The following NF1 variants were observed in gnomAD, a reference collection of about 807,000 sequenced individuals.
The protein encoded by NF1 is neurofibromin.
A neutral mutation model predicts 325.7 loss-of-function variants in NF1; 122 were observed. The observed-to-expected ratio is 0.37, with a 90% confidence interval of 0.32 to 0.44. The LOEUF is 0.44. Among genes scored for constraint, NF1 ranks in the 20% least tolerant of loss-of-function variants. The pLI is 1.00. For missense variants in NF1, 2,140 were observed against 3,415.4 expected (o/e 0.63, Z 9.31); for synonymous variants, 1,091 against 1,186.0 (o/e 0.92, Z 1.65).
intron 5 of NF1, among the ~76,000 whole-genome samples, chr17:31,178,559 C>A (rs1026168085): frequency 6.6e-6 from 1 of 152,186 alleles, no homozygotes; most frequent in Non-Finnish European, 1.5e-5. Context: ...TTAAAAGACA[C>A]AGACTGGCAA....
Position 31,336,884 on chromosome 17 carries a change from C to T in NF1, c.6397C>T (p.Leu2133=). 6.2e-7 allele frequency: 1 copy of T among 1,612,518 alleles called. No individual in the cohort carries two copies. The highest frequency in any genetic ancestry group is 8.5e-7 in the Non-Finnish European group (1 of 1,179,996). Residue 2133 remains leucine (L), a synonymous_variant, in exon 42 of 58, where the codon CTG becomes TTG. Coordinates refer to ENST00000358273, the MANE Select transcript of NF1 (RefSeq NM_001042492.3). This position sits in a 1 kb window ranked among gnomAD's most constrained non-coding sequence, Gnocchi z 5.5. ...ACTGGTCATTAATATCATTCACTCT[C>T]TGTGTACTTGTTCACAGCTTCATTT... ...HGLVINIIHS[L]CTCSQLHFSE... is the part of the protein sequence containing the mutation.
intron 36 of NF1, among the ~76,000 whole-genome samples, chr17:31,302,845 G>A (rs761352429): frequency 1.6e-3 from 244 of 152,024 alleles, no homozygotes; most frequent in Non-Finnish European, 2.8e-3. Flanking sequence ...ACTCTGTCTC[G>A]AACAAAAGTA....
chr17:31,252,045 G>T, intron 30 of NF1: 1 of 204,736 alleles, frequency 4.9e-6, no homozygotes, highest in East Asian at 7.4e-5. Flanking sequence ...AATTTTGAAA[G>T]AAATCTTTGG....
At chr17:31,278,099 C>T (rs573423432) in intron 36 of NF1, 1 of 152,282 alleles carries the variant, frequency 6.6e-6, no homozygotes, top group South Asian at 2.1e-4. Flanking sequence ...ACCTGAGCAA[C>T]AGAGCAAGAC....
At chr17:31,195,787 A>G (rs2066424726) in intron 8 of NF1, among the ~76,000 whole-genome samples, 1 of 151,998 alleles carries the variant, frequency 6.6e-6, no homozygotes, top group Non-Finnish European at 1.5e-5. Context: ...TGAGTGATAT[A>G]TTCCATTGTA....
intron 48 of NF1, chr17:31,345,391 G>T: frequency 8.1e-7 from 1 of 1,237,028 alleles, no homozygotes; most frequent in Non-Finnish European, 1.1e-6. Flanking sequence ...CCCTGTAGGG[G>T]CGGCCGGCGA....
intron 36 of NF1, among the ~76,000 whole-genome samples, chr17:31,284,055 A>C (rs2068176330): frequency 6.6e-6 from 1 of 152,172 alleles, no homozygotes; most frequent in Admixed American, 6.5e-5. Flanking sequence ...CATACAAAAA[A>C]TGTTAGTGGT....
In NF1 at chr17:31,193,011, T is replaced by C. The variant is rs2066373568; in HGVS notation, c.889-7411T>C. Among the ~76,000 whole-genome samples, 3 of 152,212 alleles carry C rather than the reference T, an allele frequency of 2.0e-5. No homozygotes were observed. The South Asian group carries it at 6.2e-4, about 32-fold the overall frequency. On this transcript the variant is annotated intron_variant, in intron 8 of 57. Coordinates refer to ENST00000358273, the MANE Select transcript of NF1 (RefSeq NM_001042492.3). ...GAATCCCACTAATTTCTTTTTTTTCTTTCCCAGGGACAGCCACTGCAAAGG... is the reference window on the plus strand; with the variant it reads ...GAATCCCACTAATTTCTTTTTTTTCCTTCCCAGGGACAGCCACTGCAAAGG...
At chr17:31,302,397 A>G (rs2151506170) in intron 36 of NF1, among the ~76,000 whole-genome samples, 1 of 152,180 alleles carries the variant, frequency 6.6e-6, no homozygotes, top group East Asian at 1.9e-4. Flanking sequence ...ACAAATGTAA[A>G]ATGAGAACAG....
chr17:31,338,649 G>T (rs2151558957), intron 45 of NF1, 55 bp from the exon 46 acceptor site: 1 of 1,058,038 alleles, frequency 9.5e-7, no homozygotes, highest in Non-Finnish European at 1.5e-6. Context: ...TTCAGTTTAG[G>T]AGTTAATGTT....
At chr17:31,172,475 C>CGAGA (rs149923112) in intron 5 of NF1, among the ~76,000 whole-genome samples, 15 of 151,430 alleles carry the variant, frequency 9.9e-5, no homozygotes, top group Admixed American at 2.0e-4. Context: ...ATAGATATAT[C>CGAGA]GAGAGAGAGA....
chr17:31,153,670 C>G (rs1024979211), intron 1 of NF1, among the ~76,000 whole-genome samples: 20 of 152,176 alleles, frequency 1.3e-4, no homozygotes, highest in Admixed American at 1.0e-3. Context: ...GTTGCCCAGG[C>G]TGGAGTGCAG....
chr17:31,369,284 A>G (rs1407303064), intron 57 of NF1, among the ~76,000 whole-genome samples: 1 of 152,218 alleles, frequency 6.6e-6, no homozygotes, highest in Non-Finnish European at 1.5e-5. Context: ...AAATAACAAT[A>G]ATGTAATCTA....
intron 8 of NF1, chr17:31,182,960 C>G: frequency 1.7e-6 from 1 of 586,630 alleles, no homozygotes; most frequent in East Asian, 2.8e-5. Flanking sequence ...CGTAGTTTCT[C>G]TAATATTCAC....
intron 1 of NF1, among the ~76,000 whole-genome samples, chr17:31,131,327 G>A (rs1308125211): frequency 1.2e-4 from 19 of 152,292 alleles, no homozygotes; most frequent in South Asian, 2.1e-4. Context: ...CCTTCTGCAG[G>A]GATTCCAGAG....
chr17:31,318,406 G>A, intron 36 of NF1: 3 of 1,613,996 alleles, frequency 1.9e-6, no homozygotes, highest in Middle Eastern at 3.3e-4. Context: ...GTTGGGTCCT[G>A]TGAGCTGTTT....
chr17:31,232,598 G>A lies in NF1; in HGVS notation c.3315-102G>A, dbSNP rs537236174. 1.3e-5 allele frequency: 15 copies of A among 1,115,830 alleles called. No homozygotes were observed. The African/African-American group carries it at 2.0e-4, about 15-fold the overall frequency. 69.1% of individuals were successfully genotyped at this position (1,115,830 alleles called of 1,614,324 possible). ...AGAGAGGAGAGAAACAGTTAACCCA[G>A]GGCCATTCACACCATGCACATATGA... On this transcript the variant is annotated intron_variant, in intron 25 of 57. Transcript: ENST00000358273.
rs747334578 is a variant in NF1, at chr17:31,305,164, T to G, written c.4836-20656T>G. 2 of 1,614,154 alleles carry G rather than the reference T, an allele frequency of 1.2e-6. No individual in the cohort carries two copies. The highest frequency in any genetic ancestry group is 1.7e-6 in the Non-Finnish European group (2 of 1,180,038). ...AGAAGGGATCTGGACAGATGATGATTGTTGAGTAAAAGTATAGACAAATGA... is the reference window on the plus strand; with the variant it reads ...AGAAGGGATCTGGACAGATGATGATGGTTGAGTAAAAGTATAGACAAATGA... On this transcript the variant is annotated intron_variant, in intron 36 of 57. Coordinates refer to ENST00000358273, the MANE Select transcript of NF1 (RefSeq NM_001042492.3).
intron 56 of NF1, chr17:31,359,307 T>G: frequency 2.4e-6 from 1 of 408,854 alleles, no homozygotes; most frequent in South Asian, 2.6e-5. Context: ...GTGTATTTGA[T>G]AATCTTAATG....
Sources: gnomAD v4.1 joint callset for allele counts (sites outside exome capture counted in the v4.1 genomes callset) on GRCh38, gnomAD v4.1.1 for gene constraint, Gnocchi (gnomAD v3.1) non-coding constraint, MANE v1.5 for transcripts, NCBI Gene and HGNC (gene_info 2026-07-23, HGNC 2026-07-21) for gene names.